Variants in AGBL4 observed in about 807,000 individuals in gnomAD.
AGBL4 encodes the protein AGBL carboxypeptidase 4.
In AGBL4, 58 loss-of-function variants were observed where a neutral mutation model predicts 66.4. That is an observed-to-expected ratio of 0.87 (90% CI 0.71 to 1.09). The LOEUF is 1.09. Ranked by LOEUF, AGBL4 falls within the 50% of genes least tolerant of loss-of-function variation. The pLI, the probability that AGBL4 is intolerant of heterozygous loss-of-function variation, is 0.00. For missense variants in AGBL4, 579 were observed against 631.0 expected (o/e 0.92, Z 0.88); for synonymous variants, 234 against 222.9 (o/e 1.05, Z -0.44).
chr1:49,175,847 T>C (rs1569942751), intron 4 of AGBL4, among the ~76,000 whole-genome samples: 1 of 152,136 alleles, frequency 6.6e-6, no homozygotes, highest in Non-Finnish European at 1.5e-5. Context: ...GTAAGTGCTA[T>C]GAACTACCTG....
At chr1:49,229,920 AC>A (rs67849774) in intron 4 of AGBL4, among the ~76,000 whole-genome samples, 46,382 of 151,494 alleles carry the variant, frequency 0.31, 7,923 homozygotes, top group East Asian at 0.72. Flanking sequence ...TGGGTGACTC[AC>A]CCCACCTTAT....
intron 1 of AGBL4, among the ~76,000 whole-genome samples, chr1:49,853,983 C>T (rs910063818): frequency 1.3e-5 from 2 of 151,900 alleles, no homozygotes; most frequent in African/African-American, 4.8e-5. Flanking sequence ...CTAAGATCCA[C>T]ACAAAGAAAT....
chr1:48,911,250 G>T (rs1278095997), intron 5 of AGBL4, among the ~76,000 whole-genome samples: 3 of 152,174 alleles, frequency 2.0e-5, no homozygotes, highest in Non-Finnish European at 4.4e-5. Flanking sequence ...AGGAGTCCTA[G>T]CTCCTCCACT....
At chr1:49,958,162 T>G (rs1233650659) in intron 1 of AGBL4, among the ~76,000 whole-genome samples, 2 of 152,084 alleles carry the variant, frequency 1.3e-5, no homozygotes, top group African/African-American at 4.8e-5. Context: ...GAAAATTCTT[T>G]TCTTTAAGAA....
intron 1 of AGBL4, among the ~76,000 whole-genome samples, chr1:49,937,292 A>C (rs1385267209): frequency 6.6e-6 from 1 of 152,180 alleles, no homozygotes; most frequent in Non-Finnish European, 1.5e-5. Context: ...AGAGCTAACT[A>C]TCCTAAATAT....
intron 3 of AGBL4, among the ~76,000 whole-genome samples, chr1:49,551,022 G>C (rs1652909284): frequency 6.6e-6 from 1 of 151,898 alleles, no homozygotes; most frequent in Admixed American, 6.6e-5. Context: ...TGTCTTTGTT[G>C]GATTGGGTTA....
chr1:48,677,639 C>T (rs555055450), intron 6 of AGBL4, among the ~76,000 whole-genome samples: 3 of 152,260 alleles, frequency 2.0e-5, no homozygotes, highest in East Asian at 1.9e-4. Context: ...TGAGCAGCTG[C>T]GACGTCAGTC....
rs550395551 is a variant in AGBL4, at chr1:49,561,758, C to A, written c.282+135555G>T. On this transcript the variant is annotated intron_variant, in intron 3 of 13. Transcript: ENST00000371839. ...GTCTTTGCTATTGTGAATAGCGCCA[C>A]AATAAACATACGTGTGCATGTGTCT... 3.0e-4 allele frequency among the ~76,000 whole-genome samples: 45 copies of A among 152,182 alleles called. 2 individuals are homozygous for A. In the South Asian group the frequency reaches 8.7e-3, roughly 30 times the overall value.
intron 6 of AGBL4, among the ~76,000 whole-genome samples, chr1:48,740,633 T>C (rs6588054): frequency 0.3 from 46,088 of 152,134 alleles, 7,819 homozygotes; most frequent in East Asian, 0.71. Context: ...AGGATGGAAC[T>C]TGATCAAAAT....
intron 11 of AGBL4, among the ~76,000 whole-genome samples, chr1:48,582,249 TA>T (rs140118597): frequency 0.29 from 43,930 of 152,090 alleles, 7,929 homozygotes; most frequent in Non-Finnish European, 0.39. Flanking sequence ...TAAAACTCAA[TA>T]AAAAAGTATG....
chr1:49,333,020 T>C (rs1645364448), intron 3 of AGBL4, among the ~76,000 whole-genome samples: 1 of 152,224 alleles, frequency 6.6e-6, no homozygotes, highest in Non-Finnish European at 1.5e-5. Flanking sequence ...CCACAAGTAA[T>C]GATGAGCTTT....
At chr1:49,436,111 AT>A (rs1479692072) in intron 3 of AGBL4, among the ~76,000 whole-genome samples, 1 of 152,204 alleles carries the variant, frequency 6.6e-6, no homozygotes, top group Admixed American at 6.5e-5. Flanking sequence ...ATTGCAACAG[AT>A]AAAAACAGAG....
intron 3 of AGBL4, among the ~76,000 whole-genome samples, chr1:49,650,163 C>A (rs1645974077): frequency 6.6e-6 from 1 of 152,070 alleles, no homozygotes; most frequent in Non-Finnish European, 1.5e-5. Flanking sequence ...GATGCCAATT[C>A]TCCTGAGAAA....
intron 3 of AGBL4, among the ~76,000 whole-genome samples, chr1:49,376,772 A>T (rs977314800): frequency 6.6e-6 from 1 of 152,036 alleles, no homozygotes; most frequent in African/African-American, 2.4e-5. Context: ...TACAGAGTTA[A>T]TTGTTGTCCC....
intron 4 of AGBL4, among the ~76,000 whole-genome samples, chr1:49,167,733 AT>A (rs1646659989): frequency 6.6e-6 from 1 of 152,190 alleles, no homozygotes; most frequent in Non-Finnish European, 1.5e-5. Context: ...AAAAAATTAT[AT>A]TTGTTTTAGA....
intron 4 of AGBL4, among the ~76,000 whole-genome samples, chr1:49,097,642 C>T (rs1272513246): frequency 6.6e-6 from 1 of 152,220 alleles, no homozygotes; most frequent in Non-Finnish European, 1.5e-5. Flanking sequence ...AGTGCAGTGG[C>T]ACGATCTCAG....
At chr1:49,693,413 C>G (rs570520415) in intron 3 of AGBL4, among the ~76,000 whole-genome samples, 93 of 151,928 alleles carry the variant, frequency 6.1e-4, no homozygotes, top group African/African-American at 1.8e-3. Context: ...ATTTTATAGC[C>G]ATATTTATCA....
intron 4 of AGBL4, among the ~76,000 whole-genome samples, chr1:49,105,227 G>A (rs541032864): frequency 4.6e-5 from 7 of 152,258 alleles, no homozygotes; most frequent in Non-Finnish European, 1.0e-4. Flanking sequence ...TAGAGAGGGC[G>A]CAGTGAAACG....
At chr1:49,256,432 C>T (rs1652509617) in intron 3 of AGBL4, among the ~76,000 whole-genome samples, 1 of 151,754 alleles carries the variant, frequency 6.6e-6, no homozygotes, top group Admixed American at 6.6e-5. Context: ...ATTGTGATAC[C>T]AATTATGATA....
Sources: allele counts gnomAD v4.1 joint callset (sites outside exome capture counted in the v4.1 genomes callset), GRCh38; gene constraint gnomAD v4.1.1; transcripts MANE v1.5; gene names NCBI Gene and HGNC (gene_info 2026-07-23, HGNC 2026-07-21).